POLR3C: variants seen among roughly 807,000 people sequenced by gnomAD.
POLR3C encodes the protein RNA polymerase III subunit C.
In POLR3C, 44 loss-of-function variants were observed where a neutral mutation model predicts 65.9. The observed-to-expected ratio is 0.67, with a 90% CI of 0.52 to 0.86. The LOEUF (loss-of-function observed/expected upper bound fraction) is 0.86. Among genes scored for constraint, POLR3C ranks in the 40% least tolerant of loss-of-function variants. The pLI is 0.00. For missense variants in POLR3C, 576 were observed against 653.2 expected, an observed-to-expected ratio of 0.88 and a Z score of 1.29; for synonymous variants, 263 against 231.6, an observed-to-expected ratio of 1.14 and a Z score of -1.23.
Position 145,839,918 on chromosome 1 carries a change from C to T in POLR3C, c.1250C>T (p.Pro417Leu). ...ATTCCCAAAACACCAGACCATGCCC[C>T]ATCCAGGACCTTCTATTTATATACT... ...QEIPKTPDHA[P>L]SRTFYLYTVN... Residue 417 changes from proline to leucine, a missense_variant, in exon 12 of 15, where the codon CCA becomes CTA. By Grantham distance (98) the Pro-to-Leu change is moderately conservative. Coordinates refer to ENST00000334163, the MANE Select transcript of POLR3C (RefSeq NM_006468.8). The T allele has an allele frequency of 6.2e-7, 1 of 1,607,656 alleles. No individual in the cohort carries two copies. The highest frequency in any genetic ancestry group is 8.5e-7 in the Non-Finnish European group (1 of 1,174,190).
At chr1:145,838,494 C>T (rs1444945119) in intron 11 of POLR3C, among the ~76,000 whole-genome samples, 2 of 151,958 alleles carry the variant, frequency 1.3e-5, no homozygotes, top group African/African-American at 4.8e-5. Flanking sequence ...CCAGCCTGGC[C>T]AACATGGTGA....
Position 145,837,546 on chromosome 1 carries a change from GGCATTA to G in POLR3C, c.1025_1030del (p.Leu342_Ala343del), listed in dbSNP as rs1553729084. On this transcript the variant is annotated inframe_deletion, in exon 10 of 15. Transcript: ENST00000334163. ...ATTCTCTACATAAAGACCTCCATAA[GGCATTA>G]GCATCCCTAGCCACAGCCACTCTGG... 6 of 1,597,660 alleles carry G rather than the reference GGCATTA, an allele frequency of 3.8e-6. No homozygotes were observed. Among genetic ancestry groups the G allele is most frequent in the Non-Finnish European group, 4.3e-6 (5 of 1,169,220 alleles).
At position 145,840,997 on chromosome 1, in the gene POLR3C, G is replaced by GT. The variant is rs1455966815; in HGVS notation, c.1451dup (p.Leu484PhefsTer12). ...AGGCTACTGGTGCAGAGGAAGCACA[G>GT]TTACAAGAAATAGAGGAGATGATCA... On this transcript the variant is annotated frameshift_variant, in exon 14 of 15. Transcript: ENST00000334163. LOFTEE classifies it high-confidence loss of function. The GT allele has an allele frequency of 1.2e-6, 2 of 1,613,358 alleles. No homozygotes were observed. The highest frequency in any genetic ancestry group is 8.5e-7 in the Non-Finnish European group (1 of 1,179,382).
chr1:145,825,198 T>C (rs922003932), intron 1 of POLR3C, among the ~76,000 whole-genome samples: 18 of 152,114 alleles, frequency 1.2e-4, no homozygotes, highest in Non-Finnish European at 4.4e-5. Context: ...AACCTCTGCC[T>C]CCCGGCTTCA....
Position 145,829,387 on chromosome 1 carries a change from A to G in POLR3C, c.678+550A>G, listed in dbSNP as rs782360564. Among the ~76,000 whole-genome samples, 10 of 152,318 alleles carry G rather than the reference A, an allele frequency of 6.6e-5. No individual in the cohort carries two copies. In the South Asian group the frequency reaches 8.3e-4, roughly 13 times the overall value. On this transcript the variant is annotated intron_variant, in intron 5 of 14. Transcript: ENST00000334163. Reference sequence around the variant, plus strand: ...GAACCCTCTAATCTCACAGTAAAACATATCAGCCCAGTTTCCAAAATTACC... The same window carrying G: ...GAACCCTCTAATCTCACAGTAAAACGTATCAGCCCAGTTTCCAAAATTACC...
chr1:145,837,971 G>A (rs1651985437), intron 10 of POLR3C, 85 bp from the exon 11 acceptor site: 2 of 1,240,274 alleles, frequency 1.6e-6, no homozygotes, highest in Non-Finnish European at 2.3e-6. Context: ...CTTCACACAT[G>A]GAATAGAACA....
chr1:145,841,368 T>C (rs1332093907), intron 14 of POLR3C, among the ~76,000 whole-genome samples: 1 of 152,168 alleles, frequency 6.6e-6, no homozygotes, highest in Non-Finnish European at 1.5e-5. Context: ...TCAAACAGTC[T>C]TCCTGCCTCA....
chr1:145,842,481 C>G lies in POLR3C; in HGVS notation c.*61C>G, dbSNP rs964211038. The G allele has an allele frequency of 4.7e-5, 51 of 1,083,368 alleles. No homozygotes were observed. The highest frequency in any genetic ancestry group is 6.4e-5 in the Non-Finnish European group (45 of 699,450). 67.1% of individuals were successfully genotyped at this position (1,083,368 alleles called of 1,614,324 possible). A position where few individuals can be genotyped will look rare whatever the true frequency, so the allele number is the denominator to read the frequency against. The stretch of plus-strand genomic sequence containing the variant: ...GATGGAAAGCAAAATAAAGGAGGTG[C>G]CTGGATGCATTATTTGCAGTGGGAT... On this transcript the variant is annotated 3_prime_UTR_variant, in exon 15 of 15. Transcript: ENST00000334163.
chr1:145,838,835 T>G lies in POLR3C; in HGVS notation c.1221+629T>G, dbSNP rs587763593. ...ATTTATCAACACATCTAACTGAGTCTTTGCAGGGCTATTTAGTAGAGCATA... is the reference window on the plus strand; with the variant it reads ...ATTTATCAACACATCTAACTGAGTCGTTGCAGGGCTATTTAGTAGAGCATA... On this transcript the variant is annotated intron_variant, in intron 11 of 14. Coordinates refer to ENST00000334163, the MANE Select transcript of POLR3C (RefSeq NM_006468.8). Among the ~76,000 whole-genome samples the G allele has an allele frequency of 2.0e-5, 3 of 152,334 alleles. No homozygotes were observed. The South Asian group carries it at 6.2e-4, about 32-fold the overall frequency.
At position 145,838,119 on chromosome 1, in the gene POLR3C, G is replaced by C. The variant is rs1553729326; in HGVS notation, c.1134G>C (p.Lys378Asn). ...TGCAGAAGAAACACATAGAGCAGAAGCAAGTGGAAGACTTTGCAATGATTC... is the reference window on the plus strand; with the variant it reads ...TGCAGAAGAAACACATAGAGCAGAACCAAGTGGAAGACTTTGCAATGATTC... ...LVLQKKHIEQ[K>N]QVEDFAMIPA... The change falls in exon 11 of 15, where the codon AAG (lysine) becomes AAC (asparagine). Residue 378 changes from lysine (K) to asparagine (N), a missense_variant. Transcript: ENST00000334163. 1 of 1,613,474 alleles carries C rather than the reference G, an allele frequency of 6.2e-7. No homozygotes were observed. Among genetic ancestry groups the C allele is most frequent in the Non-Finnish European group, 8.5e-7 (1 of 1,179,454 alleles).
intron 11 of POLR3C, among the ~76,000 whole-genome samples, chr1:145,838,475 A>T (rs1460082063): frequency 6.6e-6 from 1 of 152,136 alleles, no homozygotes; most frequent in East Asian, 1.9e-4. Flanking sequence ...TGAGGTCAGG[A>T]GTTCGAGACC....
rs587725178 is a variant in POLR3C at position 145,844,186 on chromosome 1, T to C, written c.*1766T>C. Among the ~76,000 whole-genome samples, 2 of 152,066 alleles carry C rather than the reference T, an allele frequency of 1.3e-5. No individual in the cohort carries two copies. Among genetic ancestry groups the C allele is most frequent in the Non-Finnish European group, 2.9e-5 (2 of 68,010 alleles). ...ATATATATCTCCAAAAGGAAAGAAA[T>C]CAATGTATCAAAAAGATACCTGCAC... On this transcript the variant is annotated 3_prime_UTR_variant, in exon 15 of 15. Coordinates refer to ENST00000334163, the MANE Select transcript of POLR3C (RefSeq NM_006468.8).
intron 11 of POLR3C, 194 bp from the exon 12 acceptor site, chr1:145,839,696 A>G: frequency 3.8e-6 from 2 of 531,058 alleles, no homozygotes; most frequent in Non-Finnish European, 6.7e-6. Context: ...ATGCCACCGC[A>G]CTCCATCCTA....
intron 7 of POLR3C, among the ~76,000 whole-genome samples, chr1:145,834,192 C>G (rs1651591431): frequency 6.6e-6 from 1 of 152,134 alleles, no homozygotes; most frequent in African/African-American, 2.4e-5. Flanking sequence ...ATCTAAACAT[C>G]TAATCACAGA....
Position 145,826,887 on chromosome 1 carries a change from A to G in POLR3C, c.471A>G (p.Val157=), listed in dbSNP as rs782315209. 8 of 1,613,462 alleles carry G rather than the reference A, an allele frequency of 5.0e-6. No homozygotes were observed. The East Asian group carries it at 1.6e-4, about 31-fold the overall frequency. The change falls in exon 4 of 15, where the codon GTA becomes GTG. Residue 157 remains valine (V), a synonymous_variant. Transcript: ENST00000334163. ...TGCGACTGGCAGACACACACTTTGT[A>G]CAACGCTGCCCTTCGGTACCTACCA... ...TFVRLADTHF[V]QRCPSVPTTE... is the part of the protein sequence containing the mutation.
rs587683225 is a variant in POLR3C at position 145,829,553 on chromosome 1, T to A, written c.678+716T>A. The stretch of plus-strand genomic sequence containing the variant: ...AAGTTGTTCAAAACAAAACAACACA[T>A]CCACTGATTAGACTCCTTTAATAGC... On this transcript the variant is annotated intron_variant, in intron 5 of 14. Coordinates refer to ENST00000334163, the MANE Select transcript of POLR3C (RefSeq NM_006468.8). Among the ~76,000 whole-genome samples the A allele has an allele frequency of 3.3e-5, 5 of 152,318 alleles. No homozygotes were observed. In the East Asian group the frequency reaches 9.6e-4, roughly 29 times the overall value.
chr1:145,834,508 CAA>C (rs57975068), intron 7 of POLR3C, among the ~76,000 whole-genome samples: 18 of 108,712 alleles, frequency 1.7e-4, no homozygotes, highest in Admixed American at 1.9e-4. Flanking sequence ...TACTAAAATA[CAA>C]AAAAAAAAAA....
At position 145,834,371 on chromosome 1, in the gene POLR3C, A is replaced by T. The variant is rs191170173; in HGVS notation, c.876+789A>T. On this transcript the variant is annotated intron_variant, in intron 7 of 14. Transcript: ENST00000334163. ...ACGCTCAGGCTACACTGTATTTATT[A>T]AAAACCAGTAACAGGCTGAGCGGGG... Among the ~76,000 whole-genome samples, 102 of 152,232 alleles carry T rather than the reference A, an allele frequency of 6.7e-4. 1 individual carries two copies. The highest frequency in any genetic ancestry group is 7.7e-4 in the East Asian group (4 of 5,184).
At chr1:145,827,216 C>T (rs372512325) in intron 4 of POLR3C, among the ~76,000 whole-genome samples, 19 of 152,058 alleles carry the variant, frequency 1.2e-4, no homozygotes, top group East Asian at 9.6e-4. Flanking sequence ...TATCATTAAA[C>T]GGTGATAAGT....
Sources: allele counts gnomAD v4.1 joint callset (sites outside exome capture counted in the v4.1 genomes callset), GRCh38; gene constraint gnomAD v4.1.1; transcripts MANE v1.5; gene names NCBI Gene and HGNC (gene_info 2026-07-23, HGNC 2026-07-21).